The following KCNIP4 variants were observed in gnomAD, a reference collection of about 807,000 sequenced individuals.
The protein encoded by KCNIP4 is Kv channel-interacting protein 4.
Under a neutral mutation model 34.0 loss-of-function variants are expected in KCNIP4, and 12 were observed. That is an observed-to-expected ratio of 0.35 (90% confidence interval 0.23 to 0.57). The LOEUF (loss-of-function observed/expected upper bound fraction) is 0.57, where lower values mean the gene tolerates loss of function less well. Ranked by LOEUF, KCNIP4 falls within the 20% of genes least tolerant of loss-of-function variation. KCNIP4 has a pLI of 0.83. For missense variants in KCNIP4, 238 were observed against 311.7 expected (o/e 0.76, Z 1.78); for synonymous variants, 124 against 102.2 (o/e 1.21, Z -1.29).
chr4:21,554,655 C>A (rs571380806), intron 1 of KCNIP4, among the ~76,000 whole-genome samples: 23 of 152,166 alleles, frequency 1.5e-4, no homozygotes, highest in African/African-American at 4.6e-4. Flanking sequence ...CCCCAGTGTG[C>A]CCCCTCACTC....
chr4:20,956,454 G>A (rs1474591325), intron 1 of KCNIP4, among the ~76,000 whole-genome samples: 1 of 151,652 alleles, frequency 6.6e-6, no homozygotes, highest in Non-Finnish European at 1.5e-5. Flanking sequence ...GCAGTGAGCC[G>A]AGATTGTGCC....
chr4:21,948,102 G>A (rs1318722190), intron 1 of KCNIP4, among the ~76,000 whole-genome samples: 1 of 152,184 alleles, frequency 6.6e-6, no homozygotes, highest in East Asian at 1.9e-4. Context: ...GCAAGATGCC[G>A]CCAGTATATT....
In KCNIP4 at chr4:21,887,040, G is replaced by A. The variant is rs74365957; in HGVS notation, c.61+61531C>T. 8.7e-3 allele frequency among the ~76,000 whole-genome samples: 1,325 copies of A among 152,164 alleles called. 15 individuals are homozygous for A. The highest frequency in any genetic ancestry group is 0.034 in the South Asian group (163 of 4,814). The stretch of plus-strand genomic sequence containing the variant: ...GCTATTGACATCATTGCCAGCTTCA[G>A]GACAAAGATAAAGTACAAATTTTTT... On this transcript the variant is annotated intron_variant, in intron 1 of 8. Coordinates refer to ENST00000382152, the MANE Select transcript of KCNIP4 (RefSeq NM_025221.6).
intron 1 of KCNIP4, among the ~76,000 whole-genome samples, chr4:21,443,117 GC>G (rs1727632016): frequency 2.6e-5 from 4 of 152,082 alleles, no homozygotes; most frequent in Admixed American, 2.6e-4. Context: ...ATCCTTTCCA[GC>G]TCTATCTTAT....
At chr4:21,788,382 T>C (rs1324489010) in intron 1 of KCNIP4, among the ~76,000 whole-genome samples, 1 of 152,180 alleles carries the variant, frequency 6.6e-6, no homozygotes, top group Non-Finnish European at 1.5e-5. Flanking sequence ...TTTCAGCATA[T>C]TCATCAAAGA....
chr4:21,218,131 T>C (rs1186839461), intron 1 of KCNIP4, among the ~76,000 whole-genome samples: 1 of 151,932 alleles, frequency 6.6e-6, no homozygotes, highest in Non-Finnish European at 1.5e-5. Flanking sequence ...TTCTCCTGCC[T>C]CAGTCTCCCG....
intron 3 of KCNIP4, among the ~76,000 whole-genome samples, chr4:20,834,012 G>A (rs1718746030): frequency 6.6e-6 from 1 of 152,144 alleles, no homozygotes; most frequent in Non-Finnish European, 1.5e-5. Flanking sequence ...GCAGATCTCG[G>A]GATCCAAGAA....
At chr4:20,834,060 G>A (rs980461534) in intron 3 of KCNIP4, among the ~76,000 whole-genome samples, 2 of 152,140 alleles carry the variant, frequency 1.3e-5, no homozygotes, top group African/African-American at 4.8e-5. Flanking sequence ...TTAGAGTCTA[G>A]GCCTGCATAG....
intron 1 of KCNIP4, among the ~76,000 whole-genome samples, chr4:20,930,841 A>T (rs961448110): frequency 6.6e-5 from 10 of 151,416 alleles, no homozygotes; most frequent in East Asian, 1.9e-4. Flanking sequence ...GCTATTATAA[A>T]AAAAAAAAAA....
chr4:21,041,367 C>T (rs1253340378), intron 1 of KCNIP4, among the ~76,000 whole-genome samples: 1 of 152,134 alleles, frequency 6.6e-6, no homozygotes. Flanking sequence ...TGTGTGCACT[C>T]TATCTGCTTT....
intron 1 of KCNIP4, among the ~76,000 whole-genome samples, chr4:21,504,784 G>A (rs1019398602): frequency 2.0e-5 from 3 of 152,114 alleles, no homozygotes; most frequent in African/African-American, 7.2e-5. Context: ...TGAACAAAAT[G>A]TAACTGATAT....
intron 1 of KCNIP4, among the ~76,000 whole-genome samples, chr4:21,555,532 A>G (rs16871405): frequency 0.43 from 65,738 of 151,910 alleles, 14,401 homozygotes; most frequent in East Asian, 0.64. Flanking sequence ...CTAATAAAAC[A>G]TCAAAGTTGA....
At chr4:20,898,056 G>A (rs1437848833) in intron 1 of KCNIP4, among the ~76,000 whole-genome samples, 1 of 152,020 alleles carries the variant, frequency 6.6e-6, no homozygotes, top group Non-Finnish European at 1.5e-5. Context: ...TCCTTTGAAG[G>A]CAGAATAGGA....
intron 1 of KCNIP4, among the ~76,000 whole-genome samples, chr4:21,519,100 C>T (rs921902282): frequency 6.6e-6 from 1 of 152,122 alleles, no homozygotes; most frequent in Admixed American, 6.6e-5. Context: ...ACCAAATTCA[C>T]ATGCTGAAAT....
At chr4:21,831,497 A>T (rs1417704466) in intron 1 of KCNIP4, among the ~76,000 whole-genome samples, 1 of 151,904 alleles carries the variant, frequency 6.6e-6, no homozygotes, top group Non-Finnish European at 1.5e-5. Context: ...CAGAAATACA[A>T]AGGATCATAG....
intron 1 of KCNIP4, among the ~76,000 whole-genome samples, chr4:21,476,783 T>G (rs1378347782): frequency 6.6e-6 from 1 of 152,230 alleles, no homozygotes; most frequent in East Asian, 1.9e-4. Context: ...CTTCAGCATC[T>G]TCCTTTGGGG....
At chr4:21,132,663 C>T (rs886901093) in intron 1 of KCNIP4, among the ~76,000 whole-genome samples, 1 of 151,986 alleles carries the variant, frequency 6.6e-6, no homozygotes, top group Non-Finnish European at 1.5e-5. Flanking sequence ...TAGGCATCTC[C>T]CTGTGTGTTT....
chr4:20,787,362 GCTGTTTGAGAAT>G (rs1189430604), intron 3 of KCNIP4, among the ~76,000 whole-genome samples: 2 of 152,088 alleles, frequency 1.3e-5, no homozygotes, highest in African/African-American at 2.4e-5. Flanking sequence ...CTTTGGAGTT[GCTGTTTGAGAAT>G]GCTATATGAG....
At chr4:21,410,874 T>C (rs1329967007) in intron 1 of KCNIP4, among the ~76,000 whole-genome samples, 1 of 152,160 alleles carries the variant, frequency 6.6e-6, no homozygotes, top group Non-Finnish European at 1.5e-5. Context: ...AATGTTGGGA[T>C]GAGGGTACTA....
Sources: gnomAD v4.1 joint callset for allele counts (sites outside exome capture counted in the v4.1 genomes callset) on GRCh38, gnomAD v4.1.1 for gene constraint, MANE v1.5 for transcripts, NCBI Gene and HGNC (gene_info 2026-07-23, HGNC 2026-07-21) for gene names.